The following ABTB2 variants were observed in gnomAD, a reference collection of about 807,000 sequenced individuals.
ABTB2 encodes the protein ankyrin repeat and BTB/POZ domain-containing protein 2.
Under a neutral mutation model 104.1 loss-of-function variants are expected in ABTB2, and 56 were observed. The observed-to-expected ratio is 0.54, with a 90% CI of 0.43 to 0.67. The LOEUF (loss-of-function observed/expected upper bound fraction) is 0.67, where lower values mean the gene tolerates loss of function less well. Ranked by LOEUF, ABTB2 falls within the 30% of genes least tolerant of loss-of-function variation. The probability of loss-of-function intolerance (pLI) is 0.00; values close to 1 mark genes in which losing one functional copy is unlikely to be tolerated. For missense variants in ABTB2, 1,279 were observed against 1,407.7 expected (o/e 0.91, Z 1.46); for synonymous variants, 606 against 608.2 (o/e 1.00, Z 0.05).
At chr11:34,164,972 T>C in intron 8 of ABTB2, 151 bp from the exon 9 acceptor site, 1 of 1,091,884 alleles carries the variant, frequency 9.2e-7, no homozygotes, top group South Asian at 1.6e-5. Context: ...GTGGACGAAG[T>C]GAAGGGAGAG....
rs1331070787 is a variant in ABTB2 at position 34,357,309 on chromosome 11, G to C, written c.275C>G (p.Pro92Arg). 2 of 1,512,818 alleles carry C rather than the reference G, an allele frequency of 1.3e-6. No homozygotes were observed. The highest frequency in any genetic ancestry group is 2.1e-5 in the Admixed American group (1 of 47,796). The allele number at this position is 1,512,818 out of a possible 1,614,324, so 93.7% of individuals were successfully genotyped here. The stretch of plus-strand genomic sequence containing the variant: ...GGTCCAGGGGAACTCCTCCAGCTCG[G>C]GGAGCCGCGGACAGCGCGAGAAGAG... ...ADLFSRCPRL[P>R]ELEEFPWTEG... The change falls in exon 1 of 17, where the codon CCC (proline) becomes CGC (arginine). Residue 92 changes from proline (P) to arginine (R), a missense_variant. Physicochemically the swap from Pro to Arg is moderately radical, Grantham distance 103 (BLOSUM62 -2). Transcript: ENST00000435224.
At chr11:34,273,252 T>C (rs73497312) in intron 1 of ABTB2, among the ~76,000 whole-genome samples, 5,895 of 152,272 alleles carry the variant, frequency 0.039, 321 homozygotes, top group African/African-American at 0.12. Flanking sequence ...TGATGCTTTA[T>C]GGAAGTGAGC....
chr11:34,297,541 C>T (rs1854635783), intron 1 of ABTB2, among the ~76,000 whole-genome samples: 1 of 152,068 alleles, frequency 6.6e-6, no homozygotes, highest in African/African-American at 2.4e-5. Context: ...CCTGTAATCC[C>T]AGCACTTTGG....
rs1221068570 is a variant in ABTB2, at chr11:34,160,365, GGA to G, written c.2398-14_2398-13del. 1 of 1,604,456 alleles carries G rather than the reference GGA, an allele frequency of 6.2e-7. No homozygotes were observed. The highest frequency in any genetic ancestry group is 1.3e-5 in the African/African-American group (1 of 74,814). On this transcript the variant is annotated splice_polypyrimidine_tract_variant and intron_variant, in intron 11 of 16. Coordinates refer to ENST00000435224, the MANE Select transcript of ABTB2 (RefSeq NM_145804.3). ...ATGACGGAGTCGTTCTGTGGGGAGA[GGA>G]GAGAGGGCCTGTGAGCTGCCCGCTG... is the stretch of plus-strand genomic sequence containing the variant.
chr11:34,349,108 T>A (rs1055648372), intron 1 of ABTB2, among the ~76,000 whole-genome samples: 1 of 152,170 alleles, frequency 6.6e-6, no homozygotes, highest in Non-Finnish European at 1.5e-5. Context: ...TTAGGCCTTT[T>A]TTAAAACAAG....
chr11:34,169,740 C>T (rs1303000734), intron 5 of ABTB2, among the ~76,000 whole-genome samples: 1 of 152,150 alleles, frequency 6.6e-6, no homozygotes, highest in Non-Finnish European at 1.5e-5. Context: ...TTCCCCAACC[C>T]CTGGCCTGGG....
intron 1 of ABTB2, among the ~76,000 whole-genome samples, chr11:34,242,264 G>C (rs1853928151): frequency 6.6e-6 from 1 of 152,192 alleles, no homozygotes; most frequent in Non-Finnish European, 1.5e-5. Context: ...CCTGATCTAA[G>C]GCCTTATCAC....
At chr11:34,264,734 C>G (rs1327198678) in intron 1 of ABTB2, among the ~76,000 whole-genome samples, 1 of 152,254 alleles carries the variant, frequency 6.6e-6, no homozygotes, top group Non-Finnish European at 1.5e-5. Context: ...GGACATTAAA[C>G]TGTTCGAAGC....
intron 1 of ABTB2, among the ~76,000 whole-genome samples, chr11:34,246,378 G>A (rs974600338): frequency 2.0e-5 from 3 of 152,050 alleles, no homozygotes; most frequent in Non-Finnish European, 4.4e-5. Context: ...GAGGCAGGTG[G>A]ATCATCTGAG....
At chr11:34,314,971 G>A (rs1163257129) in intron 1 of ABTB2, among the ~76,000 whole-genome samples, 1 of 152,094 alleles carries the variant, frequency 6.6e-6, no homozygotes, top group African/African-American at 2.4e-5. Flanking sequence ...ATGTTGCCAA[G>A]CTCCAACCCA....
At chr11:34,247,730 G>T (rs1854002610) in intron 1 of ABTB2, among the ~76,000 whole-genome samples, 1 of 152,208 alleles carries the variant, frequency 6.6e-6, no homozygotes. Context: ...TATAGCAATA[G>T]CTGATACAGA....
At chr11:34,227,273 CAAAAA>C (rs1348173491) in intron 1 of ABTB2, among the ~76,000 whole-genome samples, 2 of 80,360 alleles carry the variant, frequency 2.5e-5, no homozygotes, top group Non-Finnish European at 5.0e-5. Flanking sequence ...GACTCCATCT[CAAAAA>C]AAAAAAAGAA....
chr11:34,220,653 G>A (rs868680231), intron 1 of ABTB2, among the ~76,000 whole-genome samples: 14 of 152,232 alleles, frequency 9.2e-5, no homozygotes, highest in Admixed American at 2.0e-4. Flanking sequence ...TGGCTCTCTC[G>A]CAGTCTCACC....
chr11:34,301,801 AT>A (rs768881188), intron 1 of ABTB2, among the ~76,000 whole-genome samples: 7 of 152,190 alleles, frequency 4.6e-5, no homozygotes, highest in Non-Finnish European at 1.0e-4. Context: ...CTGGGCAATT[AT>A]TGGATGAAAC....
chr11:34,246,839 T>C (rs1853989549), intron 1 of ABTB2, among the ~76,000 whole-genome samples: 1 of 132,302 alleles, frequency 7.6e-6, no homozygotes, highest in Non-Finnish European at 1.6e-5. Flanking sequence ...TTTCTTTTTT[T>C]CTTTTTTCTT....
chr11:34,190,404 C>CA (rs1853160540), intron 3 of ABTB2, among the ~76,000 whole-genome samples: 1 of 152,192 alleles, frequency 6.6e-6, no homozygotes, highest in Non-Finnish European at 1.5e-5. Context: ...CATGCACCAT[C>CA]ATGCACCTGA....
chr11:34,333,688 A>G (rs1360773471), intron 1 of ABTB2, among the ~76,000 whole-genome samples: 2 of 152,166 alleles, frequency 1.3e-5, no homozygotes, highest in African/African-American at 4.8e-5. Flanking sequence ...CCCGGGAGGC[A>G]GAGGTTGCAG....
At chr11:34,355,993 G>A (rs1223502487) in intron 1 of ABTB2, among the ~76,000 whole-genome samples, 1 of 152,166 alleles carries the variant, frequency 6.6e-6, no homozygotes, top group African/African-American at 2.4e-5. Flanking sequence ...TTTAACCAAT[G>A]GCTCACTTGG....
intron 1 of ABTB2, among the ~76,000 whole-genome samples, chr11:34,314,547 T>G (rs572317502): frequency 1.3e-3 from 204 of 152,250 alleles, no homozygotes; most frequent in African/African-American, 4.8e-3. Context: ...GGCATGATCT[T>G]TTCTTCTCTG....
Sources: allele counts gnomAD v4.1 joint callset (sites outside exome capture counted in the v4.1 genomes callset), GRCh38; gene constraint gnomAD v4.1.1; transcripts MANE v1.5; gene names NCBI Gene and HGNC (gene_info 2026-07-23, HGNC 2026-07-21).